SEC14L5: variants seen among roughly 807,000 people sequenced by gnomAD.
SEC14L5 encodes SEC14 like lipid binding 5.
In SEC14L5, 96 loss-of-function variants were observed where a neutral mutation model predicts 84.6. That is an observed-to-expected ratio of 1.13 (90% confidence interval 0.96 to 1.34). The LOEUF (loss-of-function observed/expected upper bound fraction) is 1.34, where lower values mean the gene tolerates loss of function less well. SEC14L5 is among the 40% of genes most tolerant of loss of function. The pLI is 0.00. For synonymous variants in SEC14L5, 546 were observed against 383.4 expected (o/e 1.42, Z -4.95); for missense variants, 1,224 against 942.5 (o/e 1.30, Z -3.91).
At chr16:5,000,040 C>G (rs954304015) in intron 8 of SEC14L5, among the ~76,000 whole-genome samples, 2 of 152,044 alleles carry the variant, frequency 1.3e-5, no homozygotes, top group African/African-American at 4.8e-5. Context: ...GCCTGTGATC[C>G]CAACACTTTG....
intron 11 of SEC14L5, among the ~76,000 whole-genome samples, chr16:5,003,810 C>T (rs1443777256): frequency 1.3e-5 from 2 of 152,206 alleles, no homozygotes; most frequent in African/African-American, 4.8e-5. Context: ...TTCTGTCGCC[C>T]CAAAAAGAAC....
At chr16:4,965,784 G>A (rs1955194401) in intron 2 of SEC14L5, among the ~76,000 whole-genome samples, 1 of 150,590 alleles carries the variant, frequency 6.6e-6, no homozygotes. Context: ...GCTCACGCAT[G>A]TAATCCCAGC....
intron 2 of SEC14L5, among the ~76,000 whole-genome samples, chr16:4,980,388 C>G (rs1047536602): frequency 1.3e-5 from 2 of 152,154 alleles, no homozygotes; most frequent in Non-Finnish European, 2.9e-5. Context: ...GCAGACCAGC[C>G]TCCCCTCCGT....
intron 2 of SEC14L5, among the ~76,000 whole-genome samples, chr16:4,976,441 G>C (rs1386326599): frequency 6.6e-6 from 1 of 152,212 alleles, no homozygotes; most frequent in Non-Finnish European, 1.5e-5. Flanking sequence ...ATCAGCGGCT[G>C]ATGACCCTAT....
chr16:5,003,548 G>C lies in SEC14L5; in HGVS notation c.1277G>C (p.Arg426Pro). The change falls in exon 11 of 16, where the codon CGA (arginine) becomes CCA (proline). Residue 426 changes from arginine to proline, a missense_variant. Transcript: ENST00000251170. ...CGGCTGCTCATCGTGCGAGCCCCCC[G>C]AGTCTTCCCCGTGCTCTGGACACTG... is the stretch of plus-strand genomic sequence containing the variant. ...LGRLLIVRAP[R>P]VFPVLWTLIS... 6.8e-7 allele frequency: 1 copy of C among 1,474,160 alleles called. No homozygotes were observed. Among genetic ancestry groups the C allele is most frequent in the South Asian group, 1.1e-5 (1 of 89,224 alleles). The allele number at this position is 1,474,160 out of a possible 1,614,324, so 91.3% of individuals were successfully genotyped here. A position where few individuals can be genotyped will look rare whatever the true frequency, so the allele number is the denominator to read the frequency against.
At position 5,014,839 on chromosome 16, in the gene SEC14L5, G is replaced by C; in HGVS notation, c.1980-20G>C. 6 of 1,596,806 alleles carry C rather than the reference G, an allele frequency of 3.8e-6. No homozygotes were observed. The highest frequency in any genetic ancestry group is 5.2e-6 in the Non-Finnish European group (6 of 1,164,822). On this transcript the variant is annotated intron_variant, in intron 15 of 15. Transcript: ENST00000251170. ...TTGTCACTGTGAGAGGGTAACGTGT[G>C]CCACGCCCTTCCTCCCCAGGGGCTC...
chr16:4,987,612 A>T lies in SEC14L5; in HGVS notation c.119A>T (p.Glu40Val). The T allele has an allele frequency of 1.9e-6, 3 of 1,559,296 alleles. No individual in the cohort carries two copies. Among genetic ancestry groups the T allele is most frequent in the Non-Finnish European group, 2.6e-6 (3 of 1,152,708 alleles). Residue 40 changes from glutamate to valine, a missense_variant, in exon 3 of 16, where the codon GAG becomes GTG. By Grantham distance (121) the Glu-to-Val change is moderately radical. Transcript: ENST00000251170. ...CAGATCCCAGTCTTCCTGGGCAGCG[A>T]GGTCTTGCGCGAGTCCCGCAGCCCG... ...CPQIPVFLGS[E>V]VLRESRSPDG...
intron 10 of SEC14L5, among the ~76,000 whole-genome samples, chr16:5,001,210 CTT>C (rs1955673025): frequency 1.3e-5 from 2 of 149,150 alleles, no homozygotes; most frequent in South Asian, 2.1e-4. Flanking sequence ...AGCTCGAAGA[CTT>C]TATCCTCCCA....
chr16:5,009,472 C>T (rs375152137), intron 14 of SEC14L5, among the ~76,000 whole-genome samples: 26 of 152,058 alleles, frequency 1.7e-4, no homozygotes, highest in East Asian at 1.2e-3. Context: ...TACAGGTTCC[C>T]GCCACCATGT....
intron 2 of SEC14L5, among the ~76,000 whole-genome samples, chr16:4,983,558 A>T (rs1373854680): frequency 6.7e-6 from 1 of 150,324 alleles, no homozygotes; most frequent in Non-Finnish European, 1.5e-5. Context: ...ATTCATATAT[A>T]TTTATATATA....
At chr16:5,007,710 A>T (rs371883909) in intron 13 of SEC14L5, among the ~76,000 whole-genome samples, 1 of 150,210 alleles carries the variant, frequency 6.7e-6, no homozygotes, top group East Asian at 2.0e-4. Context: ...GGTTCAAGCA[A>T]TTCTCATGCC....
intron 2 of SEC14L5, 112 bp from the exon 3 acceptor site, chr16:4,987,445 C>A: frequency 1.1e-6 from 1 of 900,350 alleles, no homozygotes; most frequent in Non-Finnish European, 1.6e-6. Context: ...TTCCAGTGGC[C>A]AGGGCTGCCT....
At position 5,008,453 on chromosome 16, in the gene SEC14L5, C is replaced by T. The variant is rs748855995; in HGVS notation, c.1605C>T (p.Val535=). 1 of 1,613,382 alleles carries T rather than the reference C, an allele frequency of 6.2e-7. No homozygotes were observed. The highest frequency in any genetic ancestry group is 8.5e-7 in the Non-Finnish European group (1 of 1,179,700). ...VAVEILEGES[V]ITWDFDILRG... ...TGGAGATCCTGGAAGGAGAGTCGGT[C>T]ATCACCTGGGACTTTGACATCCTGC... The change falls in exon 14 of 16, where the codon GTC becomes GTT. Residue 535 remains valine (V), a synonymous_variant. Coordinates refer to ENST00000251170, the MANE Select transcript of SEC14L5 (RefSeq NM_014692.2).
intron 2 of SEC14L5, among the ~76,000 whole-genome samples, chr16:4,985,231 G>A (rs1013165386): frequency 2.6e-5 from 4 of 151,906 alleles, no homozygotes; most frequent in Non-Finnish European, 5.9e-5. Flanking sequence ...TATTTTATTT[G>A]TTTATTTTTT....
In SEC14L5 at chr16:5,016,847, T is replaced by C. The variant is rs1425306750; in HGVS notation, c.*1877T>C. On this transcript the variant is annotated 3_prime_UTR_variant, in exon 16 of 16. Transcript: ENST00000251170. Reference sequence around the variant, plus strand: ...TGCCCACCTTCCTGTTGGCTCTCTGTCCGCTTCTCAGGTATCTGAACAAAA... The same window carrying C: ...TGCCCACCTTCCTGTTGGCTCTCTGCCCGCTTCTCAGGTATCTGAACAAAA... 2 of 152,242 alleles carry C rather than the reference T, an allele frequency of 1.3e-5. No homozygotes were observed. Among genetic ancestry groups the C allele is most frequent in the East Asian group, 3.8e-4 (2 of 5,206 alleles). 9.4% of individuals were successfully genotyped at this position (152,242 alleles called of 1,614,324 possible). A position where few individuals can be genotyped will look rare whatever the true frequency, so the allele number is the denominator to read the frequency against.
chr16:4,996,721 A>T, intron 7 of SEC14L5, 134 bp from the exon 8 acceptor site: 1 of 704,188 alleles, frequency 1.4e-6, no homozygotes, highest in Non-Finnish European at 2.4e-6. Context: ...ACAGGCGCAC[A>T]CCACCACGCC....
chr16:5,003,624 G>GGGGGGCCCC, intron 11 of SEC14L5, 51 bp downstream of exon 11: 1 of 305,310 alleles, frequency 3.3e-6, no homozygotes, highest in African/African-American at 2.6e-5. Context: ...GGTGGGATGG[G>GGGGGGCCCC]AGGGGTTCCG....
intron 2 of SEC14L5, among the ~76,000 whole-genome samples, chr16:4,984,490 A>G (rs1260479563): frequency 6.6e-6 from 1 of 152,244 alleles, no homozygotes. Context: ...TAATGTTGCT[A>G]TAAATATTTG....
intron 2 of SEC14L5, 49 bp from the exon 3 acceptor site, chr16:4,987,508 G>GC: frequency 1.4e-6 from 2 of 1,445,172 alleles, no homozygotes; most frequent in Admixed American, 2.3e-5. Context: ...GGGGGGGGGG[G>GC]TCCCTCTGCC....
Sources: gnomAD v4.1 joint callset for allele counts (sites outside exome capture counted in the v4.1 genomes callset) on GRCh38, gnomAD v4.1.1 for gene constraint, MANE v1.5 for transcripts, NCBI Gene and HGNC (gene_info 2026-07-23, HGNC 2026-07-21) for gene names.